CEP164: variants seen among roughly 807,000 people sequenced by gnomAD.
The protein encoded by CEP164 is centrosomal protein of 164 kDa.
In CEP164, 162 loss-of-function variants were observed where a neutral mutation model predicts 182.7. That is an observed-to-expected ratio of 0.89 (90% CI 0.78 to 1.01). The LOEUF (loss-of-function observed/expected upper bound fraction) is 1.01, where lower values mean the gene tolerates loss of function less well. Ranked by LOEUF, CEP164 falls within the 50% of genes least tolerant of loss-of-function variation. CEP164 has a pLI of 0.00. For synonymous variants in CEP164, 661 were observed against 690.0 expected (o/e 0.96, Z 0.66); for missense variants, 1,735 against 1,790.4 (o/e 0.97, Z 0.56).
At chr11:117,329,384 G>C (rs1565390336) in intron 1 of CEP164, among the ~76,000 whole-genome samples, 1 of 152,034 alleles carries the variant, frequency 6.6e-6, no homozygotes, top group Non-Finnish European at 1.5e-5. Flanking sequence ...ATATGCTCTT[G>C]CCTTTCATTC....
chr11:117,409,215 GA>G lies in CEP164; in HGVS notation c.3748+190del. ...TCTAGGTTTGCCAGCACGTGGGGCT[GA>G]AAGGTCAGGGAAGCCCTCTGAATGC... On this transcript the variant is annotated intron_variant, in intron 29 of 32. Coordinates refer to ENST00000278935, the MANE Select transcript of CEP164 (RefSeq NM_014956.5). The surrounding 1 kb of genome is among the most constrained non-coding windows in gnomAD (Gnocchi z 4.4). 2 of 757,976 alleles carry G rather than the reference GA, an allele frequency of 2.6e-6. No individual in the cohort carries two copies. Among genetic ancestry groups the G allele is most frequent in the Non-Finnish European group, 4.2e-6 (2 of 475,858 alleles). 47.0% of individuals were successfully genotyped at this position (757,976 alleles called of 1,614,324 possible). A position where few individuals can be genotyped will look rare whatever the true frequency, so the allele number is the denominator to read the frequency against.
intron 4 of CEP164, among the ~76,000 whole-genome samples, chr11:117,350,194 C>T (rs1424647835): frequency 6.7e-6 from 1 of 150,108 alleles, no homozygotes; most frequent in East Asian, 1.9e-4. Flanking sequence ...TAGGTGTGAG[C>T]CACCGCACCC....
chr11:117,369,760 G>A (rs1479164091), intron 8 of CEP164, among the ~76,000 whole-genome samples: 2 of 152,170 alleles, frequency 1.3e-5, no homozygotes, highest in East Asian at 3.9e-4. Context: ...GAGATTATTG[G>A]CTGTATTTCC....
intron 4 of CEP164, among the ~76,000 whole-genome samples, chr11:117,348,607 A>C (rs1410479344): frequency 1.3e-5 from 2 of 152,126 alleles, no homozygotes; most frequent in Non-Finnish European, 2.9e-5. Context: ...GAAGTCAATA[A>C]ATTTGTATTT....
chr11:117,361,177 C>T (rs1327104468), intron 5 of CEP164, among the ~76,000 whole-genome samples: 11 of 149,724 alleles, frequency 7.3e-5, no homozygotes, highest in African/African-American at 2.7e-4. Flanking sequence ...TCAGGTGATC[C>T]ACTCACCTCA....
chr11:117,396,482 G>A (rs999584695), intron 25 of CEP164, 68 bp from the exon 26 acceptor site: 15 of 1,282,984 alleles, frequency 1.2e-5, no homozygotes, highest in Non-Finnish European at 1.7e-5. Flanking sequence ...GAGGGGCTTT[G>A]GGGTCTTGAA....
intron 19 of CEP164, 60 bp downstream of exon 19, chr11:117,392,687 G>T (rs2044825624): frequency 1.3e-6 from 2 of 1,581,670 alleles, no homozygotes; most frequent in Non-Finnish European, 8.6e-7. Context: ...CTTACAGTCA[G>T]CTGAGCCGGC....
At chr11:117,395,997 C>G in intron 24 of CEP164, 57 bp from the exon 25 acceptor site, 1 of 1,608,128 alleles carries the variant, frequency 6.2e-7, no homozygotes, top group Non-Finnish European at 8.5e-7. Flanking sequence ...ACCCACTTCA[C>G]CCCTCCCCCC....
At chr11:117,380,459 CAGT>C (rs1227666198) in intron 11 of CEP164, among the ~76,000 whole-genome samples, 152 bp from the exon 12 acceptor site, 1 of 152,188 alleles carries the variant, frequency 6.6e-6, no homozygotes, top group Non-Finnish European at 1.5e-5. Context: ...CTTCACTGTG[CAGT>C]AGATCAACCT....
chr11:117,408,794 C>T (rs902756249), intron 28 of CEP164, 96 bp from the exon 29 acceptor site: 1 of 1,506,414 alleles, frequency 6.6e-7, no homozygotes, highest in African/African-American at 1.4e-5. Context: ...TAAAGAAGAA[C>T]CTAGCTCAGT....
At position 117,412,067 on chromosome 11, in the gene CEP164, G is replaced by T. The variant is rs1219028826; in HGVS notation, c.4287-5G>T. ...GACTGCAGTTTTCCTTCACCTTGTG[G>T]CCAGACCTCTCTTCTCGTCAACACC... On this transcript the variant is annotated splice_region_variant and splice_polypyrimidine_tract_variant and intron_variant, in intron 32 of 32. Transcript: ENST00000278935. 7.4e-6 allele frequency: 12 copies of T among 1,614,066 alleles called. No individual in the cohort carries two copies. The highest frequency in any genetic ancestry group is 1.0e-5 in the Non-Finnish European group (12 of 1,179,960).
At chr11:117,403,512 C>T (rs1592460413) in intron 27 of CEP164, among the ~76,000 whole-genome samples, 2 of 152,326 alleles carry the variant, frequency 1.3e-5, no homozygotes, top group South Asian at 4.1e-4. Context: ...AGGGTTTCTG[C>T]AGAGAGATCT....
chr11:117,346,767 G>A (rs1033648182), intron 4 of CEP164, among the ~76,000 whole-genome samples: 1 of 151,954 alleles, frequency 6.6e-6, no homozygotes, highest in African/African-American at 2.4e-5. Context: ...CCGAAGTTGA[G>A]TTAGGAGGAT....
chr11:117,370,994 A>T, intron 8 of CEP164, 86 bp from the exon 9 acceptor site: 1 of 1,390,796 alleles, frequency 7.2e-7, no homozygotes, highest in Non-Finnish European at 9.8e-7. Flanking sequence ...GGAGTCAGGG[A>T]ATAGCATTTC....
intron 5 of CEP164, chr11:117,355,059 A>T (rs1401105075): frequency 7.8e-7 from 1 of 1,289,626 alleles, no homozygotes; most frequent in Non-Finnish European, 1.0e-6. Flanking sequence ...GAGGGATCCT[A>T]TAACAAAGGA....
Position 117,412,107 on chromosome 11 carries a change from C to G in CEP164, c.4322C>G (p.Thr1441Ser). ...TCGTCAACACCCAAGCCAAAAGCTA[C>G]TTTGAGCCTCCTGCAGCTGGGCCTT... is the stretch of plus-strand genomic sequence containing the variant. Reference protein sequence around the residue: ...LFSSTPKPKATLSLLQLGLDE... With the variant: ...LFSSTPKPKASLSLLQLGLDE... Residue 1441 changes from threonine to serine, a missense_variant, in exon 33 of 33, where the codon ACT becomes AGT. Thr to Ser is a moderately conservative substitution (Grantham distance 58). Coordinates refer to ENST00000278935, the MANE Select transcript of CEP164 (RefSeq NM_014956.5). The G allele has an allele frequency of 1.2e-6, 2 of 1,614,186 alleles. No homozygotes were observed. The highest frequency in any genetic ancestry group is 1.7e-6 in the Non-Finnish European group (2 of 1,180,030).
At chr11:117,380,536 C>T in intron 11 of CEP164, 78 bp from the exon 12 acceptor site, 8 of 1,205,690 alleles carry the variant, frequency 6.6e-6, no homozygotes, top group Admixed American at 4.0e-5. Context: ...TTCGTCTAAG[C>T]TTGAGAGCCA....
intron 5 of CEP164, among the ~76,000 whole-genome samples, chr11:117,361,081 T>G (rs1255585285): frequency 1.4e-5 from 2 of 147,876 alleles, no homozygotes; most frequent in Admixed American, 1.4e-4. Context: ...ATTACAGGCA[T>G]GTACCACCAC....
chr11:117,410,404 A>G, intron 30 of CEP164: 1 of 285,552 alleles, frequency 3.5e-6, no homozygotes, highest in African/African-American at 2.2e-5. Context: ...AGATGAGGAA[A>G]CTGAGTTTCA....
Sources: allele counts gnomAD v4.1 joint callset (sites outside exome capture counted in the v4.1 genomes callset), GRCh38; gene constraint gnomAD v4.1.1; non-coding constraint Gnocchi (gnomAD v3.1); transcripts MANE v1.5; gene names NCBI Gene and HGNC (gene_info 2026-07-23, HGNC 2026-07-21).